Variants in PUM3 observed in about 807,000 individuals in gnomAD.
PUM3 encodes the protein pumilio RNA binding family member 3, also known as pumilio homolog 3.
In PUM3, 91 loss-of-function variants were observed where a neutral mutation model predicts 84.0. The ratio of observed to expected loss-of-function variants is 1.08; its 90% CI spans 0.91 to 1.29. The LOEUF is 1.29. PUM3 is among the 50% of genes most tolerant of loss of function. The pLI is 0.00. For missense variants in PUM3, 1,067 were observed against 767.5 expected (o/e 1.39, Z -4.61); for synonymous variants, 321 against 266.7 (o/e 1.20, Z -1.98).
intron 15 of PUM3, 60 bp downstream of exon 15, chr9:2,811,301 C>G (rs1821364254): frequency 6.5e-7 from 1 of 1,528,128 alleles, no homozygotes; most frequent in African/African-American, 1.4e-5. Flanking sequence ...CCACATCGTC[C>G]AAAAACGAAG....
At chr9:2,827,938 C>T (rs1033190892) in intron 9 of PUM3, among the ~76,000 whole-genome samples, 7 of 152,246 alleles carry the variant, frequency 4.6e-5, no homozygotes, top group Admixed American at 1.3e-4. Context: ...GAGTCGTACC[C>T]AGGCAGTCGG....
In PUM3 at chr9:2,810,426, G is replaced by T; in HGVS notation, c.1641C>A (p.His547Gln). Residue 547 changes from histidine (H) to glutamine (Q), a missense_variant, in exon 16 of 18, where the codon CAC (histidine) becomes CAA (glutamine). His to Gln is a conservative substitution (Grantham distance 24, BLOSUM62 0). Transcript: ENST00000397885. ...GATGTCCTGCAGGATGTTCTGCAAT[G>T]TGAAGCTATGAAGGGTCAAGAACAG... ...LHPGGKDGEL[H>Q]IAEHPAGHLV... is the part of the protein sequence containing the mutation. The T allele has an allele frequency of 6.2e-6, 10 of 1,605,424 alleles. No individual in the cohort carries two copies. The highest frequency in any genetic ancestry group is 6.0e-6 in the Non-Finnish European group (7 of 1,175,122).
At chr9:2,828,528 G>T (rs1815883716) in intron 9 of PUM3, 147 bp downstream of exon 9, 6 of 577,750 alleles carry the variant, frequency 1.0e-5, no homozygotes, top group Middle Eastern at 9.2e-4. Flanking sequence ...ACCAAGAATG[G>T]TTTCAAACCA....
chr9:2,828,606 A>G, intron 9 of PUM3, 69 bp downstream of exon 9: 3 of 908,626 alleles, frequency 3.3e-6, no homozygotes, highest in Non-Finnish European at 5.5e-6. Context: ...TCTTCTGGGC[A>G]ACAGTTATGG....
At chr9:2,828,866 T>C (rs757123423) in intron 8 of PUM3, 88 bp from the exon 9 acceptor site, 4 of 785,764 alleles carry the variant, frequency 5.1e-6, no homozygotes, top group Non-Finnish European at 8.6e-6. Flanking sequence ...CATTTTAAAA[T>C]AAGTTTTAAC....
At chr9:2,834,873 A>G (rs576254625) in intron 3 of PUM3, among the ~76,000 whole-genome samples, 103 of 152,344 alleles carry the variant, frequency 6.8e-4, no homozygotes, top group African/African-American at 2.4e-3. Context: ...CAAGTAACTT[A>G]CCAATTGAAC....
chr9:2,814,209 C>T (rs10812730), intron 13 of PUM3, among the ~76,000 whole-genome samples: 3 of 63,004 alleles, frequency 4.8e-5, no homozygotes, highest in South Asian at 5.1e-4. Flanking sequence ...AAGTGAACTC[C>T]AACTATTTTT....
chr9:2,812,284 C>T lies in PUM3; in HGVS notation c.1348G>A (p.Asp450Asn). The T allele has an allele frequency of 1.2e-6, 2 of 1,612,046 alleles. No homozygotes were observed. The highest frequency in any genetic ancestry group is 1.7e-6 in the Non-Finnish European group (2 of 1,178,182). The change falls in exon 14 of 18, where the codon GAT becomes AAT. Residue 450 changes from aspartate to asparagine, a missense_variant. Coordinates refer to ENST00000397885, the MANE Select transcript of PUM3 (RefSeq NM_014878.5). The part of the protein sequence containing the change: ...KVLLYLLSPR[D>N]PAHTVREIIE... ...ATTTCTCGTACTGTATGTGCAGGAT[C>T]TCTGGGGCTTAGTAAGTACAATAGG...
At chr9:2,811,253 C>T in intron 15 of PUM3, 108 bp downstream of exon 15, 1 of 816,010 alleles carries the variant, frequency 1.2e-6, no homozygotes, top group Admixed American at 2.1e-5. Flanking sequence ...GTTGTTTATT[C>T]AACAGGTATC....
intron 3 of PUM3, 70 bp from the exon 4 acceptor site, chr9:2,834,236 T>A (rs1816062437): frequency 5.9e-6 from 8 of 1,364,136 alleles, no homozygotes; most frequent in Non-Finnish European, 8.1e-6. Flanking sequence ...ACAAATTAGG[T>A]AAAAAGGGCA....
chr9:2,831,652 T>C (rs116807119), intron 5 of PUM3, among the ~76,000 whole-genome samples: 3,147 of 152,290 alleles, frequency 0.021, 98 homozygotes, highest in African/African-American at 0.069. Context: ...ATACAGACTA[T>C]ACTTCTCATT....
intron 1 of PUM3, among the ~76,000 whole-genome samples, chr9:2,839,790 T>G (rs1375062815): frequency 6.6e-6 from 1 of 152,244 alleles, no homozygotes; most frequent in Non-Finnish European, 1.5e-5. Context: ...ACCTGTAGTT[T>G]TCTAAGAATC....
intron 3 of PUM3, among the ~76,000 whole-genome samples, chr9:2,834,392 C>A (rs965934444): frequency 1.3e-5 from 2 of 151,930 alleles, no homozygotes; most frequent in South Asian, 4.2e-4. Flanking sequence ...TAACAGGATA[C>A]CTATTAAGAG....
chr9:2,819,628 ACT>A (rs1246648875), intron 13 of PUM3, among the ~76,000 whole-genome samples: 1 of 152,024 alleles, frequency 6.6e-6, no homozygotes, highest in Non-Finnish European at 1.5e-5. Flanking sequence ...GGTCACAGAT[ACT>A]CTCTGCTTGT....
At chr9:2,811,705 ATCTT>A (rs1172866646) in intron 14 of PUM3, 122 bp from the exon 15 acceptor site, 12 of 670,280 alleles carry the variant, frequency 1.8e-5, no homozygotes, top group Admixed American at 1.1e-4. Context: ...ATTATTGTCT[ATCTT>A]TCTGTTAAGC....
In PUM3 at chr9:2,827,080, A is replaced by G; in HGVS notation, c.1028T>C (p.Leu343Pro). Reference sequence around the variant, plus strand: ...CAAAAACCAAGAACTTACTGATCTGAGTTTGGGGGGTGCATAGGTAAAAAA... The same window carrying G: ...CAAAAACCAAGAACTTACTGATCTGGGTTTGGGGGGTGCATAGGTAAAAAA... ...LDFFTYAPPK[L>P]RSEMIEAIRE... Residue 343 changes from leucine (L) to proline (P), a missense_variant, in exon 10 of 18, where the codon CTC becomes CCC. Coordinates refer to ENST00000397885, the MANE Select transcript of PUM3 (RefSeq NM_014878.5). The G allele has an allele frequency of 6.2e-7, 1 of 1,608,360 alleles. No homozygotes were observed. Among genetic ancestry groups the G allele is most frequent in the Non-Finnish European group, 8.5e-7 (1 of 1,177,758 alleles).
chr9:2,833,510 G>C, intron 4 of PUM3, 78 bp from the exon 5 acceptor site: 1 of 706,296 alleles, frequency 1.4e-6, no homozygotes, highest in Non-Finnish European at 2.3e-6. Context: ...AACTGTACCA[G>C]TATATGTTCT....
At chr9:2,814,840 T>C (rs12345061) in intron 13 of PUM3, among the ~76,000 whole-genome samples, 16,507 of 152,206 alleles carry the variant, frequency 0.11, 1,674 homozygotes, top group African/African-American at 0.27. Context: ...GGGCAGTATG[T>C]AGTGAACAAC....
Position 2,812,298 on chromosome 9 carries a change from A to G in PUM3, c.1334T>C (p.Leu445Ser), listed in dbSNP as rs750327882. The part of the protein sequence containing the change: ...DKYGRKVLLY[L>S]LSPRDPAHTV... ...ATGTGCAGGATCTCTGGGGCTTAGT[A>G]AGTACAATAGGACCTTCCTTCCATA... The change falls in exon 14 of 18, where the codon TTA becomes TCA. Residue 445 changes from leucine to serine, a missense_variant. By Grantham distance (145) the Leu-to-Ser change is moderately radical. Transcript: ENST00000397885. 219 of 1,606,050 alleles carry G rather than the reference A, an allele frequency of 1.4e-4. No homozygotes were observed. Among genetic ancestry groups the G allele is most frequent in the Non-Finnish European group, 1.8e-4 (214 of 1,172,810 alleles).
Sources: gnomAD v4.1 joint callset for allele counts (sites outside exome capture counted in the v4.1 genomes callset) on GRCh38, gnomAD v4.1.1 for gene constraint, MANE v1.5 for transcripts, NCBI Gene and HGNC (gene_info 2026-07-23, HGNC 2026-07-21) for gene names.